PCLO: variants seen among roughly 807,000 people sequenced by gnomAD.
PCLO encodes piccolo presynaptic cytomatrix protein, also known as protein piccolo.
Under a neutral mutation model 427.5 loss-of-function variants are expected in PCLO, and 82 were observed. That is an observed-to-expected ratio of 0.19 (90% CI 0.16 to 0.23). PCLO has a LOEUF of 0.23. Among genes scored for constraint, PCLO ranks in the 10% least tolerant of loss-of-function variants. PCLO has a pLI of 1.00. For missense variants in PCLO, 6,239 were observed against 6,115.9 expected, an observed-to-expected ratio of 1.02 and a Z score of -0.67; for synonymous variants, 2,357 against 2,155.4, an observed-to-expected ratio of 1.09 and a Z score of -2.59.
intron 1 of PCLO, among the ~76,000 whole-genome samples, chr7:83,156,892 A>G (rs1216796492): frequency 6.6e-6 from 1 of 152,194 alleles, no homozygotes; most frequent in Non-Finnish European, 1.5e-5. Context: ...TCATTTTTAA[A>G]TATAGGAGTC....
At chr7:82,908,178 T>C (rs1794236270) in intron 8 of PCLO, among the ~76,000 whole-genome samples, 1 of 152,092 alleles carries the variant, frequency 6.6e-6, no homozygotes, top group African/African-American at 2.4e-5. Flanking sequence ...TTCAATTCAC[T>C]CAACTCTTAG....
intron 3 of PCLO, among the ~76,000 whole-genome samples, chr7:83,124,955 C>G (rs1258947318): frequency 6.6e-6 from 1 of 152,154 alleles, no homozygotes. Context: ...GCGGTTTCGC[C>G]GTGTTGGCCG....
chr7:82,766,156 T>C (rs1418057316), intron 22 of PCLO, among the ~76,000 whole-genome samples: 1 of 152,048 alleles, frequency 6.6e-6, no homozygotes, highest in Non-Finnish European at 1.5e-5. Context: ...TGAGAGTAGC[T>C]AGCCCTAGGA....
rs544258667 is a variant in PCLO, at chr7:82,759,801, C to T, written c.15288+838G>A. On this transcript the variant is annotated intron_variant, in intron 24 of 24. Transcript: ENST00000333891. ...TGTCTCTATATCTACTAAAGACGTA[C>T]TATGTGCAAAGCATTGTGCAGGCTG... is the stretch of plus-strand genomic sequence containing the variant. 7.9e-5 allele frequency among the ~76,000 whole-genome samples: 12 copies of T among 151,952 alleles called. 1 individual carries two copies. The East Asian group carries it at 9.7e-4, about 12-fold the overall frequency.
rs1044329076 is a variant in PCLO at position 82,965,907 on chromosome 7, T to C, written c.3881A>G (p.Lys1294Arg). Residue 1294 changes from lysine to arginine, a missense_variant, in exon 4 of 25, where the codon AAG becomes AGG. By Grantham distance (26) the Lys-to-Arg change is conservative (BLOSUM62 2). Around this residue, in one of 5 missense-constraint regions of PCLO, gnomAD observed 4,677 missense variants for 4,468.4 expected, o/e 1.05. Transcript: ENST00000333891. ...TGTGCCAGATGGTAAACCTTCCATC[T>C]TGGTCTGTGGTTGTTTCCCTTCTTG... ...TVQEGKQPQT[K>R]MEGLPSGTPQ... 1.9e-6 allele frequency: 3 copies of C among 1,613,996 alleles called. No individual in the cohort carries two copies. In the African/African-American group the frequency reaches 4.0e-5, roughly 22 times the overall value.
intron 6 of PCLO, among the ~76,000 whole-genome samples, chr7:82,919,914 T>C (rs1794557508): frequency 6.6e-6 from 1 of 152,104 alleles, no homozygotes; most frequent in South Asian, 2.1e-4. Context: ...ACAAAGAGGA[T>C]CTGAACTATA....
At chr7:82,798,554 C>G (rs1327606672) in intron 22 of PCLO, among the ~76,000 whole-genome samples, 2 of 152,150 alleles carry the variant, frequency 1.3e-5, no homozygotes, top group African/African-American at 4.8e-5. Flanking sequence ...TTGCACTTTG[C>G]ATTGATGTGT....
At position 82,820,598 on chromosome 7, in the gene PCLO, CAAGAGAGAACTTTCACCATGTA is replaced by C. The variant is rs1270548243; in HGVS notation, c.14791+1875_14791+1896del. On this transcript the variant is annotated intron_variant, in intron 20 of 24. Coordinates refer to ENST00000333891, the MANE Select transcript of PCLO (RefSeq NM_033026.6). ...AGTGGAAAATGTCTGTTTGTAGGAT[CAAGAGAGAACTTTCACCATGTA>C]AAGGTAAATGAGTGCATTAACAATT... 3 of 1,228,828 alleles carry C rather than the reference CAAGAGAGAACTTTCACCATGTA, an allele frequency of 2.4e-6. No individual in the cohort carries two copies. In the African/African-American group the frequency reaches 4.7e-5, roughly 19 times the overall value. The allele number at this position is 1,228,828 out of a possible 1,614,324, so 76.1% of individuals were successfully genotyped here.
At chr7:82,966,738 GA>G (rs1400033259) in intron 3 of PCLO, among the ~76,000 whole-genome samples, 1 of 151,980 alleles carries the variant, frequency 6.6e-6, no homozygotes, top group Non-Finnish European at 1.5e-5. Flanking sequence ...GAAAAAGAAA[GA>G]GAAATAATTA....
Position 82,951,288 on chromosome 7 carries a change from T to C in PCLO, c.9300A>G (p.Thr3100=), listed in dbSNP as rs772032947. The change falls in exon 6 of 25, where the codon ACA becomes ACG. Residue 3100 remains threonine (T), a synonymous_variant. Coordinates refer to ENST00000333891, the MANE Select transcript of PCLO (RefSeq NM_033026.6). ...YSSVATPTPS[T]FAITTQPGSI... ...AGCCAGGTTGTGTGGTGATAGCAAA[T>C]GTAGAGGGTGTTGGAGTTGCTACTG... 4 of 1,613,276 alleles carry C rather than the reference T, an allele frequency of 2.5e-6. No homozygotes were observed. The highest frequency in any genetic ancestry group is 1.3e-5 in the African/African-American group (1 of 74,990).
At chr7:82,795,120 A>C (rs886744984) in intron 22 of PCLO, among the ~76,000 whole-genome samples, 14 of 152,128 alleles carry the variant, frequency 9.2e-5, no homozygotes, top group African/African-American at 3.4e-4. Context: ...TTAACCTGAA[A>C]ATTATTTGGT....
intron 6 of PCLO, among the ~76,000 whole-genome samples, chr7:82,925,315 AACAT>A (rs143268068): frequency 0.019 from 2,923 of 152,208 alleles, 102 homozygotes; most frequent in African/African-American, 0.066. Context: ...TAAAGGAATT[AACAT>A]ATTCCTTTGA....
chr7:82,975,123 A>G (rs1349849027), intron 3 of PCLO, among the ~76,000 whole-genome samples: 1 of 152,172 alleles, frequency 6.6e-6, no homozygotes, highest in Admixed American at 6.5e-5. Flanking sequence ...GCATGTGTGA[A>G]TAATTACATC....
chr7:82,799,165 C>T lies in PCLO; in HGVS notation c.15007+2353G>A, dbSNP rs73706725. On this transcript the variant is annotated intron_variant, in intron 22 of 24. Transcript: ENST00000333891. The stretch of plus-strand genomic sequence containing the variant: ...GAAAGGTAAAATTAAGTAGCTAAAA[C>T]TATGCATGAATTGCTTCACTATATA... Among the ~76,000 whole-genome samples the T allele has an allele frequency of 2.9e-3, 440 of 152,254 alleles. 6 individuals carry two copies. Among genetic ancestry groups the T allele is most frequent in the African/African-American group, 0.01 (427 of 41,548 alleles).
chr7:82,979,116 T>C (rs960185734), intron 3 of PCLO, among the ~76,000 whole-genome samples: 3 of 152,182 alleles, frequency 2.0e-5, no homozygotes, highest in African/African-American at 4.8e-5. Flanking sequence ...GTTTTAAAGT[T>C]ACTCATTTAT....
chr7:82,953,001 G>A lies in PCLO; in HGVS notation c.7952C>T (p.Thr2651Ile), dbSNP rs760861275. Residue 2651 changes from threonine to isoleucine, a missense_variant, in exon 5 of 25, where the codon ACC (threonine) becomes ATC (isoleucine). By Grantham distance (89) the Thr-to-Ile change is moderately conservative. This residue lies in a region of PCLO where 4,677 missense variants were observed against 4,468.4 expected (regional missense o/e 1.05). Transcript: ENST00000333891. ...AAATGAAGAGGGTGCTGTGACAGGG[G>A]TAGCAGAAAATGTCTGTAAAGCTCC... ...ISGALQTFSA[T>I]PVTAPSSFQA... 59 of 1,613,796 alleles carry A rather than the reference G, an allele frequency of 3.7e-5. No individual in the cohort carries two copies. Among genetic ancestry groups the A allele is most frequent in the Non-Finnish European group, 4.9e-5 (58 of 1,179,856 alleles).
intron 22 of PCLO, among the ~76,000 whole-genome samples, chr7:82,785,860 T>C (rs553634696): frequency 6.6e-6 from 1 of 152,138 alleles, no homozygotes; most frequent in East Asian, 1.9e-4. Flanking sequence ...TAACCAGATG[T>C]AAATTGGGAG....
At chr7:82,806,168 A>C (rs941877837) in intron 20 of PCLO, among the ~76,000 whole-genome samples, 3 of 152,166 alleles carry the variant, frequency 2.0e-5, no homozygotes, top group Non-Finnish European at 4.4e-5. Context: ...GGTAAATAAA[A>C]AGAATTTTGG....
intron 7 of PCLO, among the ~76,000 whole-genome samples, chr7:82,909,425 A>C (rs1729375978): frequency 6.6e-6 from 1 of 152,022 alleles, no homozygotes; most frequent in African/African-American, 2.4e-5. Context: ...AACCCACTAG[A>C]AATTTTTTTT....
Sources: allele counts gnomAD v4.1 joint callset (sites outside exome capture counted in the v4.1 genomes callset), GRCh38; gene constraint gnomAD v4.1.1; regional missense constraint gnomAD v4.1.1; transcripts MANE v1.5; gene names NCBI Gene and HGNC (gene_info 2026-07-23, HGNC 2026-07-21).